Variants in DHX37 observed in about 807,000 individuals in gnomAD.
DHX37 encodes DEAH-box helicase 37.
In DHX37, 52 loss-of-function variants were observed where a neutral mutation model predicts 134.3. The observed-to-expected ratio is 0.39, with a 90% CI of 0.31 to 0.49. The LOEUF is 0.49. Among genes scored for constraint, DHX37 ranks in the 20% least tolerant of loss-of-function variants. The pLI, the probability that DHX37 is intolerant of heterozygous loss-of-function variation, is 0.93. For missense variants in DHX37, 1,344 were observed against 1,580.8 expected (o/e 0.85, Z 2.54); for synonymous variants, 634 against 670.7 (o/e 0.95, Z 0.85).
In DHX37 at chr12:124,954,640, C is replaced by T. The variant is rs191090354; in HGVS notation, c.2454-429G>A. 1.4e-3 allele frequency among the ~76,000 whole-genome samples: 207 copies of T among 152,196 alleles called. 4 individuals carry two copies. Among genetic ancestry groups the T allele is most frequent in the African/African-American group, 4.8e-3 (201 of 41,526 alleles). On this transcript the variant is annotated intron_variant, in intron 18 of 26. Coordinates refer to ENST00000308736, the MANE Select transcript of DHX37 (RefSeq NM_032656.4). ...GTCTCGATCTCCTGACTTCGTGATC[C>T]GCCCGTCTCGGCCTCCCAAAGTGCT... is the stretch of plus-strand genomic sequence containing the variant.
intron 20 of DHX37, chr12:124,952,771 C>G (rs996268975): frequency 1.8e-5 from 8 of 433,136 alleles, no homozygotes; most frequent in Admixed American, 4.1e-5. Context: ...CTCCTTCTCC[C>G]TTGGGACAAA....
chr12:124,982,427 C>T, intron 3 of DHX37, 84 bp downstream of exon 3: 1 of 1,521,988 alleles, frequency 6.6e-7, no homozygotes, highest in East Asian at 2.3e-5. Context: ...AAATGTTCCA[C>T]CCCCAGAGGA....
chr12:124,973,776 G>A (rs1350813058), intron 6 of DHX37, among the ~76,000 whole-genome samples: 1 of 151,804 alleles, frequency 6.6e-6, no homozygotes, highest in African/African-American at 2.4e-5. Flanking sequence ...TGAATAGCTG[G>A]ATTACAGGCA....
At chr12:124,973,541 C>A (rs1200163973) in intron 6 of DHX37, among the ~76,000 whole-genome samples, 1 of 151,390 alleles carries the variant, frequency 6.6e-6, no homozygotes, top group Non-Finnish European at 1.5e-5. Context: ...ATCCAACAGG[C>A]TAGGGCAAGA....
chr12:124,973,524 A>C (rs1954563774), intron 6 of DHX37, among the ~76,000 whole-genome samples: 1 of 151,416 alleles, frequency 6.6e-6, no homozygotes, highest in Non-Finnish European at 1.5e-5. Context: ...CCAGGAGGAG[A>C]GTACAGATCC....
chr12:124,984,065 C>T (rs959384054), intron 2 of DHX37, among the ~76,000 whole-genome samples: 1 of 152,198 alleles, frequency 6.6e-6, no homozygotes, highest in African/African-American at 2.4e-5. Context: ...TGGCTCCACC[C>T]GCCAGATGCC....
At chr12:124,968,669 C>T in intron 9 of DHX37, 21 bp from the exon 10 acceptor site, 1 of 1,613,126 alleles carries the variant, frequency 6.2e-7, no homozygotes, top group Non-Finnish European at 8.5e-7. Context: ...CCCAGGAAGG[C>T]ATGGGGAGTG....
In DHX37 at chr12:124,965,758, C is replaced by T. The variant is rs749149527; in HGVS notation, c.1645G>A (p.Asp549Asn). Residue 549 changes from aspartate to asparagine, a missense_variant, in exon 13 of 27, where the codon GAT (aspartate) becomes AAT (asparagine). Asp to Asn is a conservative substitution (Grantham distance 23, BLOSUM62 1). Transcript: ENST00000308736. ...TCCACTTCTGCCTCCCTGTCCTCATCGCCTTCGCCTGCCGGTAACACCGAG... is the reference window on the plus strand; with the variant it reads ...TCCACTTCTGCCTCCCTGTCCTCATTGCCTTCGCCTGCCGGTAACACCGAG... ...HYSVLPAGEGDEDREAEVDEE... is the reference protein window; with the variant it reads ...HYSVLPAGEGNEDREAEVDEE... 21 of 1,613,690 alleles carry T rather than the reference C, an allele frequency of 1.3e-5. No individual in the cohort carries two copies. The highest frequency in any genetic ancestry group is 4.5e-5 in the East Asian group (2 of 44,892).
chr12:124,968,483 C>G, intron 10 of DHX37, 51 bp downstream of exon 10: 4 of 1,598,950 alleles, frequency 2.5e-6, no homozygotes, highest in Non-Finnish European at 3.4e-6. Flanking sequence ...GTGCTTTCAG[C>G]GAGGGTTTAG....
At position 124,986,080 on chromosome 12, in the gene DHX37, C is replaced by A; in HGVS notation, c.276+16G>T. 1 of 1,612,846 alleles carries A rather than the reference C, an allele frequency of 6.2e-7. No homozygotes were observed. The highest frequency in any genetic ancestry group is 8.5e-7 in the Non-Finnish European group (1 of 1,179,828). Reference sequence around the variant, plus strand: ...GCTGGAGAGCCACTTGCAGACCCTGCCCGAGTGGGGTGTACCTGGCTCTTT... The same window carrying A: ...GCTGGAGAGCCACTTGCAGACCCTGACCGAGTGGGGTGTACCTGGCTCTTT... On this transcript the variant is annotated intron_variant, in intron 2 of 26. Transcript: ENST00000308736.
chr12:124,984,363 T>TTAAA (rs770616330), intron 2 of DHX37, among the ~76,000 whole-genome samples: 55 of 152,110 alleles, frequency 3.6e-4, no homozygotes, highest in Non-Finnish European at 6.9e-4. Flanking sequence ...AGAAACCCTG[T>TTAAA]CTCTATTAAA....
chr12:124,957,805 T>TGA (rs1566328419), intron 16 of DHX37, among the ~76,000 whole-genome samples: 4 of 151,886 alleles, frequency 2.6e-5, no homozygotes, highest in African/African-American at 9.7e-5. Context: ...AATAATAACG[T>TGA]GAATAAATTT....
intron 1 of DHX37, among the ~76,000 whole-genome samples, chr12:124,987,582 G>A (rs1311038517): frequency 5.3e-5 from 8 of 152,104 alleles, no homozygotes; most frequent in Non-Finnish European, 7.4e-5. Flanking sequence ...CCATCATAAC[G>A]GTTGTCACCT....
chr12:124,948,352 A>G (rs1383464926), intron 25 of DHX37, 171 bp from the exon 26 acceptor site: 1 of 1,213,738 alleles, frequency 8.2e-7, no homozygotes, highest in Non-Finnish European at 1.1e-6. Flanking sequence ...CAGGGGGCTG[A>G]AGTAGGAGGA....
Position 124,950,012 on chromosome 12 carries a change from G to T in DHX37, c.3264C>A (p.Pro1088=). ...TGGCCCACGTCTTCAGCATGGTGCCGGGGCTGGACAGCAGACAGCTCCGGT... is the reference window on the plus strand; with the variant it reads ...TGGCCCACGTCTTCAGCATGGTGCCTGGGCTGGACAGCAGACAGCTCCGGT... ...ASYRSCLLSS[P]GTMLKTWARL... is the part of the protein sequence containing the mutation. Residue 1088 remains proline (P), a synonymous_variant, in exon 25 of 27, where the codon CCC becomes CCA. Coordinates refer to ENST00000308736, the MANE Select transcript of DHX37 (RefSeq NM_032656.4). 13 of 1,612,524 alleles carry T rather than the reference G, an allele frequency of 8.1e-6. No homozygotes were observed. The highest frequency in any genetic ancestry group is 2.2e-5 in the East Asian group (1 of 44,792).
At chr12:124,948,557 G>T (rs1393295696) in intron 25 of DHX37, 7 of 268,606 alleles carry the variant, frequency 2.6e-5, no homozygotes, top group South Asian at 5.3e-5. Flanking sequence ...GACCAGCCTG[G>T]CTAACATGGT....
chr12:124,975,840 G>A (rs1436819268), intron 5 of DHX37, among the ~76,000 whole-genome samples: 1 of 152,186 alleles, frequency 6.6e-6, no homozygotes, highest in Non-Finnish European at 1.5e-5. Flanking sequence ...ATGGGTGGCT[G>A]GTCCCAGCTC....
intron 8 of DHX37, 145 bp downstream of exon 8, chr12:124,971,157 G>A: frequency 1.5e-6 from 2 of 1,326,332 alleles, no homozygotes; most frequent in Non-Finnish European, 2.0e-6. Context: ...CTAGACCTAG[G>A]CCCAGGGAGA....
Position 124,977,360 on chromosome 12 carries a change from T to C in DHX37, c.869A>G (p.Tyr290Cys), listed in dbSNP as rs1165363366. The C allele has an allele frequency of 1.3e-6, 2 of 1,579,164 alleles. No individual in the cohort carries two copies. The highest frequency in any genetic ancestry group is 1.7e-6 in the Non-Finnish European group (2 of 1,164,760). The change falls in exon 5 of 27, where the codon TAT becomes TGT. Residue 290 changes from tyrosine (Y) to cysteine (C), a missense_variant. Around this residue, in one of 7 missense-constraint regions of DHX37, gnomAD observed 77 missense variants for 121.6 expected, o/e 0.63. Coordinates refer to ENST00000308736, the MANE Select transcript of DHX37 (RefSeq NM_032656.4). ...GKTTQVPQFL[Y>C]EAGFSSEDSI... Reference sequence around the variant, plus strand: ...CCCCTACCTGCTGAAGCCTGCTTCATAGAGAAACTGAGGCACCTGTGTGGT... The same window carrying C: ...CCCCTACCTGCTGAAGCCTGCTTCACAGAGAAACTGAGGCACCTGTGTGGT...
Sources: allele counts gnomAD v4.1 joint callset (sites outside exome capture counted in the v4.1 genomes callset), GRCh38; gene constraint gnomAD v4.1.1; regional missense constraint gnomAD v4.1.1; transcripts MANE v1.5; gene names NCBI Gene and HGNC (gene_info 2026-07-23, HGNC 2026-07-21).